MS4A7: variants seen among roughly 807,000 people sequenced by gnomAD.
The protein encoded by MS4A7 is membrane-spanning 4-domains subfamily A member 7.
MS4A7 carries 21 observed loss-of-function variants against 23.5 expected under a neutral mutation model. That is an observed-to-expected ratio of 0.89 (90% CI 0.63 to 1.29). The LOEUF (loss-of-function observed/expected upper bound fraction) is 1.29. MS4A7 is among the 50% of genes most tolerant of loss of function. The pLI, the probability that MS4A7 is intolerant of heterozygous loss-of-function variation, is 0.00. For missense variants in MS4A7, 263 were observed against 274.2 expected (o/e 0.96, Z 0.29); for synonymous variants, 111 against 107.4 (o/e 1.03, Z -0.21).
At chr11:60,393,381 G>A (rs967221057) in intron 6 of MS4A7, among the ~76,000 whole-genome samples, 1 of 152,170 alleles carries the variant, frequency 6.6e-6, no homozygotes, top group Non-Finnish European at 1.5e-5. Context: ...ACAGCTACCT[G>A]CCTCCCGAGA....
chr11:60,386,968 G>A (rs965995233), intron 4 of MS4A7, among the ~76,000 whole-genome samples, 195 bp downstream of exon 4: 2 of 152,170 alleles, frequency 1.3e-5, no homozygotes, highest in Non-Finnish European at 2.9e-5. Context: ...CTAGACCAGT[G>A]CTCTTTCGTC....
intron 4 of MS4A7, chr11:60,389,165 T>G: frequency 1.9e-6 from 1 of 533,716 alleles, no homozygotes; most frequent in South Asian, 2.2e-5. Context: ...TAAGGAGGAA[T>G]TATCCATGCA....
Position 60,394,782 on chromosome 11 carries a change from A to G in MS4A7, c.*921A>G, listed in dbSNP as rs538060950. 9.2e-5 allele frequency: 27 copies of G among 292,852 alleles called. No individual in the cohort carries two copies. The highest frequency in any genetic ancestry group is 4.2e-4 in the African/African-American group (19 of 45,662). The allele number at this position is 292,852 out of a possible 1,614,324, so 18.1% of individuals were successfully genotyped here. ...GCACCACTGCATTCCAGCCCGGCCT[A>G]CAAGAACAAAACTCCATCTCAAAAT... On this transcript the variant is annotated 3_prime_UTR_variant, in exon 7 of 7. Transcript: ENST00000300184.
chr11:60,385,319 A>C, intron 3 of MS4A7, 97 bp downstream of exon 3: 1 of 1,420,468 alleles, frequency 7.0e-7, no homozygotes, highest in South Asian at 1.3e-5. Flanking sequence ...GCCAGGAGGC[A>C]AAAGGCGGCA....
chr11:60,393,729 T>C (rs895768510), intron 6 of MS4A7, 58 bp from the exon 7 acceptor site: 4 of 1,390,882 alleles, frequency 2.9e-6, no homozygotes, highest in Middle Eastern at 4.0e-4. Flanking sequence ...TTATGAGTTA[T>C]CTTTTTTAAT....
At chr11:60,380,808 T>A (rs1200045103) in intron 1 of MS4A7, among the ~76,000 whole-genome samples, 1 of 152,198 alleles carries the variant, frequency 6.6e-6, no homozygotes, top group East Asian at 1.9e-4. Flanking sequence ...ATGGAACTGA[T>A]GAGTGGCAGC....
In MS4A7 at chr11:60,383,133, A is replaced by G. The variant is rs1211829064; in HGVS notation, c.-9A>G. ...GAGTTTTGATGCCTCTTCCAGCATC[A>G]TCAGCATCATGCTATTACAATCCCA... On this transcript the variant is annotated 5_prime_UTR_variant, in exon 2 of 7. Transcript: ENST00000300184. 3 of 1,612,334 alleles carry G rather than the reference A, an allele frequency of 1.9e-6. No homozygotes were observed. Among genetic ancestry groups the G allele is most frequent in the Middle Eastern group, 1.6e-4 (1 of 6,078 alleles).
At chr11:60,387,517 A>G (rs902929122) in intron 4 of MS4A7, among the ~76,000 whole-genome samples, 2 of 152,156 alleles carry the variant, frequency 1.3e-5, no homozygotes, top group African/African-American at 4.8e-5. Context: ...GACTATTTCC[A>G]TCCAAAGACT....
Position 60,383,204 on chromosome 11 carries a change from C to T in MS4A7, c.63C>T (p.Ile21=), listed in dbSNP as rs1396202046. 6.2e-7 allele frequency: 1 copy of T among 1,614,146 alleles called. No individual in the cohort carries two copies. Among genetic ancestry groups the T allele is most frequent in the South Asian group, 1.1e-5 (1 of 91,078 alleles). ...GCTTTACACCAAAGGGCATCACTATCCCTCAAAGAGAGAAACCTGGACACA... is the reference window on the plus strand; with the variant it reads ...GCTTTACACCAAAGGGCATCACTATTCCTCAAAGAGAGAAACCTGGACACA... ...SHSFTPKGIT[I]PQREKPGHMY... is the part of the protein sequence containing the mutation. The change falls in exon 2 of 7, where the codon ATC becomes ATT. Residue 21 remains isoleucine, a synonymous_variant. Coordinates refer to ENST00000300184, the MANE Select transcript of MS4A7 (RefSeq NM_021201.5).
At position 60,392,762 on chromosome 11, in the gene MS4A7, A is replaced by G; in HGVS notation, c.624A>G (p.Lys208=). The G allele has an allele frequency of 6.2e-7, 1 of 1,613,786 alleles. No homozygotes were observed. ...CATACAGTTCTGTCTTTTGGTGGAA[A>G]CAGCTCTACTCCAACAACCCTGGGG... ...LAAYSSVFWW[K]QLYSNNPGSS... The change falls in exon 6 of 7, where the codon AAA becomes AAG. Residue 208 remains lysine, a synonymous_variant. Transcript: ENST00000300184.
intron 4 of MS4A7, among the ~76,000 whole-genome samples, chr11:60,388,307 G>A (rs748590303): frequency 7.2e-5 from 11 of 152,188 alleles, no homozygotes; most frequent in Non-Finnish European, 1.2e-4. Flanking sequence ...TTTTATAAAA[G>A]AGATAACTGA....
At position 60,385,249 on chromosome 11, in the gene MS4A7, G is replaced by C. The variant is rs185509607; in HGVS notation, c.282+27G>C. On this transcript the variant is annotated intron_variant, in intron 3 of 6. Coordinates refer to ENST00000300184, the MANE Select transcript of MS4A7 (RefSeq NM_021201.5). The stretch of plus-strand genomic sequence containing the variant: ...TGAGTAGAATGGGGACTCTAAGAGG[G>C]GACATGCTTTATAAATGCTAACCAG... The C allele has an allele frequency of 2.4e-4, 392 of 1,612,994 alleles. 2 individuals are homozygous for C. In the African/African-American group the frequency reaches 4.6e-3, roughly 19 times the overall value.
chr11:60,379,792 C>T (rs2085410243), intron 1 of MS4A7, among the ~76,000 whole-genome samples: 5 of 152,190 alleles, frequency 3.3e-5, no homozygotes, highest in Admixed American at 3.3e-4. Context: ...GCCTCGGCCT[C>T]CCAAAGTGCT....
intron 1 of MS4A7, among the ~76,000 whole-genome samples, chr11:60,380,543 C>T (rs553313030): frequency 3.3e-5 from 5 of 152,282 alleles, no homozygotes; most frequent in South Asian, 2.1e-4. Flanking sequence ...ATTAAACTTT[C>T]GAGTCCTAGC....
At chr11:60,389,889 A>T (rs776621772) in intron 5 of MS4A7, 1 of 368,048 alleles carries the variant, frequency 2.7e-6, no homozygotes, top group Non-Finnish European at 5.1e-6. Context: ...TTAAAGTACA[A>T]CCTTTGTTGT....
At chr11:60,392,258 A>G (rs904067048) in intron 5 of MS4A7, among the ~76,000 whole-genome samples, 4 of 152,078 alleles carry the variant, frequency 2.6e-5, no homozygotes, top group Non-Finnish European at 5.9e-5. Context: ...AGATTATAAA[A>G]GAGAGAGTAT....
chr11:60,394,885 TA>T lies in MS4A7; in HGVS notation c.*1028del. ...ATTTATTTTAAATAAATGAATAAAA[TA>T]AAATAAAAAAGAATATTCAGTCGTT... On this transcript the variant is annotated 3_prime_UTR_variant, in exon 7 of 7. Coordinates refer to ENST00000300184, the MANE Select transcript of MS4A7 (RefSeq NM_021201.5). The T allele has an allele frequency of 1.9e-6, 1 of 538,754 alleles. No homozygotes were observed. Among genetic ancestry groups the T allele is most frequent in the Non-Finnish European group, 3.3e-6 (1 of 303,988 alleles). The allele number at this position is 538,754 out of a possible 1,614,324, so 33.4% of individuals were successfully genotyped here.
chr11:60,386,481 T>C (rs2085488870), intron 3 of MS4A7: 1 of 434,472 alleles, frequency 2.3e-6, no homozygotes, highest in Non-Finnish European at 4.1e-6. Context: ...CCTAGTGATT[T>C]CCACTAAAAC....
Position 60,394,500 on chromosome 11 carries a change from G to T in MS4A7, c.*639G>T, listed in dbSNP as rs555264395. The T allele has an allele frequency of 1.4e-3, 220 of 152,774 alleles. No homozygotes were observed. The highest frequency in any genetic ancestry group is 1.9e-3 in the Non-Finnish European group (127 of 68,468). 9.5% of individuals were successfully genotyped at this position (152,774 alleles called of 1,614,324 possible). ...ACCAACCAGTGGTGCTCATTCTATT[G>T]TTTAAAAATGGCCTTCTTGGCTGGG... On this transcript the variant is annotated 3_prime_UTR_variant, in exon 7 of 7. Transcript: ENST00000300184.
Sources: allele counts gnomAD v4.1 joint callset (sites outside exome capture counted in the v4.1 genomes callset), GRCh38; gene constraint gnomAD v4.1.1; transcripts MANE v1.5; gene names NCBI Gene and HGNC (gene_info 2026-07-23, HGNC 2026-07-21).